The following MXI1 variants were observed in gnomAD, a reference collection of about 807,000 sequenced individuals.
MXI1 encodes MAX interactor 1, dimerization protein, also known as max-interacting protein 1.
In MXI1, 18 loss-of-function variants were observed where a neutral mutation model predicts 36.9. The observed-to-expected ratio is 0.49, with a 90% CI of 0.34 to 0.72. MXI1 has a LOEUF of 0.72. Ranked by LOEUF, MXI1 falls within the 30% of genes least tolerant of loss-of-function variation. MXI1 has a pLI of 0.01. For missense variants in MXI1, 304 were observed against 379.1 expected (o/e 0.80, Z 1.64); for synonymous variants, 160 against 146.7 (o/e 1.09, Z -0.65).
intron 5 of MXI1, among the ~76,000 whole-genome samples, chr10:110,281,953 T>C (rs1300891264): frequency 2.0e-5 from 3 of 152,180 alleles, no homozygotes; most frequent in Non-Finnish European, 4.4e-5. Context: ...CCTTATTTCA[T>C]TGGGTGTCAT....
chr10:110,228,997 A>G (rs1408420229), intron 2 of MXI1, among the ~76,000 whole-genome samples: 1 of 152,198 alleles, frequency 6.6e-6, no homozygotes, highest in Non-Finnish European at 1.5e-5. Flanking sequence ...AGGTGGGAGG[A>G]TTGCTTGAGC....
chr10:110,207,783 C>T lies in MXI1; in HGVS notation c.-26C>T, dbSNP rs542711975. The T allele has an allele frequency of 4.4e-6, 5 of 1,128,810 alleles. No individual in the cohort carries two copies. The highest frequency in any genetic ancestry group is 5.4e-6 in the Non-Finnish European group (5 of 919,626). 69.9% of individuals were successfully genotyped at this position (1,128,810 alleles called of 1,614,324 possible). ...CGGGCCGCGCAGCCCCGTTAGAGGA[C>T]GAGCTCGGCGGACCCCCGCTCCTCC... is the stretch of plus-strand genomic sequence containing the variant. On this transcript the variant is annotated 5_prime_UTR_variant, in exon 1 of 6. It adds an upstream start codon to the 5' untranslated region. Transcript: ENST00000332674.
intron 3 of MXI1, among the ~76,000 whole-genome samples, chr10:110,260,457 G>A (rs910457122): frequency 2.6e-3 from 337 of 128,280 alleles, no homozygotes; most frequent in Middle Eastern, 8.7e-3. Context: ...GTGTGTGTGT[G>A]TATACGCCCA....
chr10:110,246,998 A>G (rs144388958), intron 3 of MXI1, among the ~76,000 whole-genome samples: 41 of 152,270 alleles, frequency 2.7e-4, no homozygotes, highest in African/African-American at 8.9e-4. Flanking sequence ...ATTGATAAAC[A>G]TGTGGCTTTT....
intron 1 of MXI1, among the ~76,000 whole-genome samples, chr10:110,223,520 C>T (rs7901749): frequency 0.14 from 20,952 of 151,850 alleles, 2,175 homozygotes; most frequent in African/African-American, 0.29. Context: ...TGCAATGAGC[C>T]GAGATCGCGC....
At chr10:110,219,351 C>T (rs920084162) in intron 1 of MXI1, among the ~76,000 whole-genome samples, 5 of 152,178 alleles carry the variant, frequency 3.3e-5, no homozygotes, top group African/African-American at 1.2e-4. Flanking sequence ...GTTCCTATTA[C>T]TCACTTTTCA....
chr10:110,284,747 T>C (rs1230972814), intron 5 of MXI1, 77 bp from the exon 6 acceptor site: 1 of 1,301,094 alleles, frequency 7.7e-7, no homozygotes, highest in Admixed American at 2.4e-5. Context: ...TATACCTCTT[T>C]TCCTCATGCT....
chr10:110,225,956 G>C, intron 1 of MXI1: 1 of 930,456 alleles, frequency 1.1e-6, no homozygotes, highest in Non-Finnish European at 1.3e-6. Flanking sequence ...GCGGGCCCCG[G>C]CGCTGCTCCC....
At chr10:110,236,690 G>A (rs1226224832) in intron 2 of MXI1, among the ~76,000 whole-genome samples, 2 of 152,070 alleles carry the variant, frequency 1.3e-5, no homozygotes, top group Non-Finnish European at 2.9e-5. Flanking sequence ...TGAACTCCTG[G>A]GCTCATGCAG....
intron 3 of MXI1, chr10:110,257,013 GAA>G (rs1315797525): frequency 6.6e-6 from 1 of 152,174 alleles, no homozygotes; most frequent in Admixed American, 6.5e-5. Flanking sequence ...CATATGAAAA[GAA>G]TATACCTTTC....
intron 2 of MXI1, among the ~76,000 whole-genome samples, chr10:110,238,599 T>C (rs1369242929): frequency 6.6e-6 from 1 of 152,214 alleles, no homozygotes; most frequent in African/African-American, 2.4e-5. Flanking sequence ...CCCTCTCTCT[T>C]TATTTTTTCA....
chr10:110,270,098 T>C (rs976813705), intron 3 of MXI1, among the ~76,000 whole-genome samples: 2 of 152,244 alleles, frequency 1.3e-5, no homozygotes, highest in African/African-American at 4.8e-5. Flanking sequence ...CCCTTCCCTC[T>C]ACCCAGACCC....
chr10:110,228,023 T>G, intron 1 of MXI1, 166 bp from the exon 2 acceptor site: 1 of 694,756 alleles, frequency 1.4e-6, no homozygotes, highest in South Asian at 1.9e-5. Flanking sequence ...GTCACAGGAT[T>G]GATGTCCAGG....
At chr10:110,255,737 G>A (rs983404471) in intron 3 of MXI1, among the ~76,000 whole-genome samples, 7 of 152,094 alleles carry the variant, frequency 4.6e-5, no homozygotes, top group African/African-American at 1.2e-4. Context: ...TAAGATGGCC[G>A]TACTTTCCAA....
intron 3 of MXI1, 149 bp from the exon 4 acceptor site, chr10:110,279,031 C>T: frequency 1.7e-6 from 1 of 603,356 alleles, no homozygotes; most frequent in African/African-American, 1.9e-5. Context: ...TGCGGCCACC[C>T]CTACATTCTT....
chr10:110,238,103 A>G lies in MXI1; in HGVS notation c.408-6725A>G, dbSNP rs573278378. ...ACTCTCCTGGCACATTTATGTGTTT[A>G]CCAACCATGAAACTCACCCAAGTTT... On this transcript the variant is annotated intron_variant, in intron 2 of 5. Coordinates refer to ENST00000332674, the MANE Select transcript of MXI1 (RefSeq NM_130439.3). 1.8e-4 allele frequency among the ~76,000 whole-genome samples: 28 copies of G among 152,280 alleles called. 1 individual carries two copies. Among genetic ancestry groups the G allele is most frequent in the Admixed American group, 1.8e-3 (28 of 15,304 alleles).
At chr10:110,276,942 T>C (rs1857055973) in intron 3 of MXI1, among the ~76,000 whole-genome samples, 1 of 151,564 alleles carries the variant, frequency 6.6e-6, no homozygotes, top group South Asian at 2.1e-4. Context: ...ACCTGCTGGG[T>C]TCAAGCGATT....
At chr10:110,208,764 G>A (rs925688403) in intron 1 of MXI1, among the ~76,000 whole-genome samples, 2 of 148,992 alleles carry the variant, frequency 1.3e-5, no homozygotes, top group Non-Finnish European at 2.9e-5. Flanking sequence ...AAAGAAGGAG[G>A]CCGGCGGGGC....
chr10:110,223,150 TGC>T (rs1365728538), intron 1 of MXI1, among the ~76,000 whole-genome samples: 1 of 152,234 alleles, frequency 6.6e-6, no homozygotes, highest in Non-Finnish European at 1.5e-5. Flanking sequence ...TGAAAGGCCA[TGC>T]ATAGGCCCCA....
Sources: gnomAD v4.1 joint callset for allele counts (sites outside exome capture counted in the v4.1 genomes callset) on GRCh38, gnomAD v4.1.1 for gene constraint, MANE v1.5 for transcripts, NCBI Gene and HGNC (gene_info 2026-07-23, HGNC 2026-07-21) for gene names.